HHAT: variants seen among roughly 807,000 people sequenced by gnomAD.
HHAT encodes protein-cysteine N-palmitoyltransferase HHAT.
A neutral mutation model predicts 70.8 loss-of-function variants in HHAT; 47 were observed. The observed-to-expected ratio is 0.66, with a 90% confidence interval of 0.53 to 0.85. HHAT has a LOEUF of 0.85. HHAT is among the 40% of genes least tolerant of loss of function. The pLI is 0.00. For synonymous variants in HHAT, 228 were observed against 247.6 expected (o/e 0.92, Z 0.74); for missense variants, 609 against 604.8 (o/e 1.01, Z -0.07).
chr1:210,348,510 G>A (rs1412023653), intron 1 of HHAT, among the ~76,000 whole-genome samples: 2 of 152,158 alleles, frequency 1.3e-5, no homozygotes, highest in Non-Finnish European at 2.9e-5. Context: ...TATTCACAGA[G>A]CACCTGGTAG....
chr1:210,418,803 C>T (rs1038303838), intron 7 of HHAT, among the ~76,000 whole-genome samples: 9 of 152,042 alleles, frequency 5.9e-5, no homozygotes, highest in African/African-American at 1.7e-4. Flanking sequence ...GAGGCTGAAG[C>T]GGGCAGATCA....
chr1:210,364,728 T>C (rs2088725057), intron 3 of HHAT, among the ~76,000 whole-genome samples: 1 of 152,220 alleles, frequency 6.6e-6, no homozygotes, highest in Non-Finnish European at 1.5e-5. Flanking sequence ...GCTGCTTGAC[T>C]CCCTGCAGAG....
intron 11 of HHAT, among the ~76,000 whole-genome samples, chr1:210,670,575 G>T (rs967571375): frequency 2.0e-5 from 3 of 152,160 alleles, no homozygotes; most frequent in Non-Finnish European, 2.9e-5. Flanking sequence ...CGTGGACCTG[G>T]TACCTCAGCA....
intron 8 of HHAT, among the ~76,000 whole-genome samples, chr1:210,476,998 A>G (rs754610493): frequency 1.3e-5 from 2 of 152,230 alleles, no homozygotes; most frequent in African/African-American, 2.4e-5. Context: ...AACTGTAAAT[A>G]TGTTTGAATA....
chr1:210,339,334 G>A (rs1414907485), intron 1 of HHAT, among the ~76,000 whole-genome samples: 9 of 152,282 alleles, frequency 5.9e-5, no homozygotes, highest in African/African-American at 2.2e-4. Flanking sequence ...TTATTGATTA[G>A]TAACTATTTA....
intron 2 of HHAT, among the ~76,000 whole-genome samples, chr1:210,361,827 C>T (rs2088352042): frequency 6.6e-6 from 1 of 152,150 alleles, no homozygotes. Flanking sequence ...CAGCTTAGAG[C>T]ATTCCTTTGA....
At chr1:210,655,357 G>A (rs914954768) in intron 11 of HHAT, among the ~76,000 whole-genome samples, 2 of 152,146 alleles carry the variant, frequency 1.3e-5, no homozygotes, top group African/African-American at 4.8e-5. Flanking sequence ...TGTCAATGGC[G>A]CCCTGTTCTG....
intron 6 of HHAT, among the ~76,000 whole-genome samples, chr1:210,413,100 A>G (rs1182848556): frequency 2.6e-5 from 4 of 152,234 alleles, no homozygotes; most frequent in African/African-American, 4.8e-5. Flanking sequence ...GGCAGCAGAG[A>G]GGGTCAAAAT....
chr1:210,586,878 G>A (rs1181370957), intron 9 of HHAT, among the ~76,000 whole-genome samples: 5 of 152,166 alleles, frequency 3.3e-5, no homozygotes, highest in African/African-American at 4.8e-5. Context: ...CTGTCTCTAC[G>A]TACTCAGGCA....
chr1:210,615,605 A>T (rs539945583), intron 10 of HHAT, among the ~76,000 whole-genome samples: 36 of 152,270 alleles, frequency 2.4e-4, no homozygotes, highest in Admixed American at 6.5e-4. Context: ...TGACGTACAG[A>T]TGGGGTTTTG....
intron 3 of HHAT, among the ~76,000 whole-genome samples, chr1:210,382,221 G>T (rs2090693055): frequency 6.6e-6 from 1 of 152,180 alleles, no homozygotes. Context: ...TGACATAGGG[G>T]TGTGAGAAGA....
intron 9 of HHAT, among the ~76,000 whole-genome samples, chr1:210,564,193 C>A (rs1402559430): frequency 6.6e-6 from 1 of 151,206 alleles, no homozygotes; most frequent in Non-Finnish European, 1.5e-5. Flanking sequence ...GAACTCCTGA[C>A]CTCAAGTGAT....
chr1:210,340,269 G>GAA (rs2085922874), intron 1 of HHAT, among the ~76,000 whole-genome samples: 1 of 94,906 alleles, frequency 1.1e-5, no homozygotes, highest in Non-Finnish European at 2.2e-5. Flanking sequence ...AAAAAAAAAA[G>GAA]ACTCAAGTGG....
rs3835410 is a variant in HHAT at position 210,453,176 on chromosome 1, CAT to C, written c.857-11324_857-11323del. ...TTGTTTTGAAAGCTGGGGAGACAAA[CAT>C]ATATCAGTTAGCATAAGATTCCTTT... On this transcript the variant is annotated intron_variant, in intron 7 of 11. Transcript: ENST00000261458. Among the ~76,000 whole-genome samples, 1,136 of 152,256 alleles carry C rather than the reference CAT, an allele frequency of 7.5e-3. 80 individuals carry two copies. In the East Asian group the frequency reaches 0.16, roughly 21 times the overall value.
At chr1:210,334,567 G>C (rs2085308537) in intron 1 of HHAT, among the ~76,000 whole-genome samples, 2 of 152,112 alleles carry the variant, frequency 1.3e-5, no homozygotes, top group Non-Finnish European at 1.5e-5. Context: ...GGGATTGCTG[G>C]ATTGTTTATA....
At chr1:210,351,280 T>C (rs2086992633) in intron 2 of HHAT, among the ~76,000 whole-genome samples, 1 of 152,194 alleles carries the variant, frequency 6.6e-6, no homozygotes, top group Non-Finnish European at 1.5e-5. Context: ...ATTTAGACCC[T>C]CAATGGATTG....
At chr1:210,389,284 G>A (rs1261107902) in intron 4 of HHAT, among the ~76,000 whole-genome samples, 1 of 152,212 alleles carries the variant, frequency 6.6e-6, no homozygotes, top group African/African-American at 2.4e-5. Context: ...CATCTGGTGA[G>A]GGCCTTCTTG....
At chr1:210,600,356 A>G (rs1029540400) in intron 10 of HHAT, among the ~76,000 whole-genome samples, 2 of 152,224 alleles carry the variant, frequency 1.3e-5, no homozygotes, top group African/African-American at 4.8e-5. Context: ...AGCAACATGA[A>G]GAATATAGAT....
intron 8 of HHAT, among the ~76,000 whole-genome samples, chr1:210,494,255 G>A (rs1262416621): frequency 6.6e-6 from 1 of 152,134 alleles, no homozygotes; most frequent in African/African-American, 2.4e-5. Context: ...GGTCTTTAAA[G>A]GATCATTCTG....
Sources: gnomAD v4.1 joint callset for allele counts (sites outside exome capture counted in the v4.1 genomes callset) on GRCh38, gnomAD v4.1.1 for gene constraint, MANE v1.5 for transcripts, NCBI Gene and HGNC (gene_info 2026-07-23, HGNC 2026-07-21) for gene names.